Variants in CNTNAP2 observed in about 807,000 individuals in gnomAD.
CNTNAP2 encodes contactin-associated protein-like 2.
In CNTNAP2, 98 loss-of-function variants were observed where a neutral mutation model predicts 155.2. That is an observed-to-expected ratio of 0.63 (90% CI 0.54 to 0.75). The LOEUF (loss-of-function observed/expected upper bound fraction) is 0.75, where lower values mean the gene tolerates loss of function less well. CNTNAP2 is among the 30% of genes least tolerant of loss of function. The pLI, the probability that CNTNAP2 is intolerant of heterozygous loss-of-function variation, is 0.00. For synonymous variants in CNTNAP2, 651 were observed against 631.2 expected (o/e 1.03, Z -0.47); for missense variants, 1,727 against 1,688.1 (o/e 1.02, Z -0.40).
intron 9 of CNTNAP2, among the ~76,000 whole-genome samples, chr7:147,390,529 A>G (rs563761968): frequency 6.6e-6 from 1 of 152,184 alleles, no homozygotes; most frequent in East Asian, 1.9e-4. Context: ...GCTCCATTTC[A>G]AGATAGCAGA....
At chr7:148,093,206 AT>A (rs1182238938) in intron 15 of CNTNAP2, among the ~76,000 whole-genome samples, 6 of 152,002 alleles carry the variant, frequency 3.9e-5, no homozygotes, top group African/African-American at 9.7e-5. Context: ...AAAAAATTAA[AT>A]TTTTTTAAAA....
intron 16 of CNTNAP2, among the ~76,000 whole-genome samples, chr7:148,141,396 A>G (rs1417104852): frequency 6.6e-6 from 1 of 152,248 alleles, no homozygotes; most frequent in Admixed American, 6.5e-5. Context: ...GAAAATATTC[A>G]TTGAGTTACT....
At chr7:147,815,141 G>T (rs997850817) in intron 13 of CNTNAP2, among the ~76,000 whole-genome samples, 5 of 152,104 alleles carry the variant, frequency 3.3e-5, no homozygotes, top group African/African-American at 1.2e-4. Flanking sequence ...AAGTGATAGT[G>T]TAGACACAAT....
chr7:146,135,941 G>A (rs969792808), intron 1 of CNTNAP2, among the ~76,000 whole-genome samples: 1 of 152,118 alleles, frequency 6.6e-6, no homozygotes. Context: ...CTGTCCTCTT[G>A]TTTGATAGTC....
chr7:147,482,113 T>C (rs1363713278), intron 10 of CNTNAP2, among the ~76,000 whole-genome samples: 1 of 152,056 alleles, frequency 6.6e-6, no homozygotes, highest in Non-Finnish European at 1.5e-5. Flanking sequence ...AATTATAAGA[T>C]AAAAACCCCT....
At chr7:147,099,853 T>C (rs571318604) in intron 4 of CNTNAP2, among the ~76,000 whole-genome samples, 2 of 152,286 alleles carry the variant, frequency 1.3e-5, no homozygotes, top group South Asian at 4.1e-4. Context: ...TGGTCAAAAG[T>C]TGTAGAGCTA....
intron 15 of CNTNAP2, among the ~76,000 whole-genome samples, chr7:148,062,146 G>A: frequency 6.6e-6 from 1 of 151,366 alleles, no homozygotes. Context: ...AAGAAGCTAA[G>A]TGGTTTTTTT....
At chr7:147,697,637 T>C (rs1266120002) in intron 13 of CNTNAP2, among the ~76,000 whole-genome samples, 1 of 152,170 alleles carries the variant, frequency 6.6e-6, no homozygotes, top group South Asian at 2.1e-4. Flanking sequence ...CTCTGGGCTA[T>C]GGACTTCACA....
intron 13 of CNTNAP2, among the ~76,000 whole-genome samples, chr7:147,772,977 T>C (rs1037739277): frequency 3.3e-5 from 5 of 152,220 alleles, no homozygotes; most frequent in African/African-American, 9.6e-5. Flanking sequence ...CTAAAATGAC[T>C]TAATTACAAA....
At chr7:148,347,306 G>T (rs566377992) in intron 21 of CNTNAP2, among the ~76,000 whole-genome samples, 6 of 151,936 alleles carry the variant, frequency 3.9e-5, no homozygotes, top group Admixed American at 1.3e-4. Context: ...AGGCAGAATG[G>T]TAATAAACTG....
intron 12 of CNTNAP2, among the ~76,000 whole-genome samples, chr7:147,590,914 A>G (rs1012717572): frequency 3.9e-5 from 6 of 152,142 alleles, no homozygotes; most frequent in Non-Finnish European, 1.5e-5. Context: ...GAGAGCAGCA[A>G]ACCTCTACAC....
intron 10 of CNTNAP2, among the ~76,000 whole-genome samples, chr7:147,476,483 T>G (rs538883041): frequency 6.6e-6 from 1 of 152,240 alleles, no homozygotes; most frequent in Non-Finnish European, 1.5e-5. Flanking sequence ...GGTTATATTC[T>G]CCCAACATCT....
intron 10 of CNTNAP2, among the ~76,000 whole-genome samples, chr7:147,462,990 CATT>C (rs1798051401): frequency 6.6e-6 from 1 of 152,154 alleles, no homozygotes; most frequent in African/African-American, 2.4e-5. Flanking sequence ...TGAATTAACA[CATT>C]ATTAAATGGG....
At chr7:146,372,421 C>T (rs919553715) in intron 1 of CNTNAP2, among the ~76,000 whole-genome samples, 1 of 152,168 alleles carries the variant, frequency 6.6e-6, no homozygotes, top group Admixed American at 6.5e-5. Flanking sequence ...TGAACCATTT[C>T]ATACAAAATT....
chr7:147,276,833 A>T (rs1391509879), intron 8 of CNTNAP2, among the ~76,000 whole-genome samples: 1 of 152,022 alleles, frequency 6.6e-6, no homozygotes, highest in Non-Finnish European at 1.5e-5. Context: ...CAATTGACAA[A>T]AAAAAAACTG....
intron 10 of CNTNAP2, among the ~76,000 whole-genome samples, chr7:147,472,204 C>CTTTTTT (rs542047274): frequency 9.9e-5 from 8 of 81,066 alleles, no homozygotes; most frequent in African/African-American, 3.6e-4. Context: ...TCTTTTTTTC[C>CTTTTTT]TTTTTTTTTT....
chr7:146,182,138 A>G (rs1250776848), intron 1 of CNTNAP2, among the ~76,000 whole-genome samples: 2 of 152,110 alleles, frequency 1.3e-5, no homozygotes, highest in Non-Finnish European at 1.5e-5. Context: ...TTAAATCTAA[A>G]ATATTTAGTA....
intron 9 of CNTNAP2, among the ~76,000 whole-genome samples, chr7:147,306,341 TCAAA>T (rs1795026097): frequency 1.3e-5 from 2 of 152,270 alleles, no homozygotes; most frequent in South Asian, 2.1e-4. Flanking sequence ...TTAGAGGCAT[TCAAA>T]CAAACAAAAA....
intron 14 of CNTNAP2, among the ~76,000 whole-genome samples, chr7:147,952,853 C>A (rs959546826): frequency 6.6e-6 from 1 of 152,086 alleles, no homozygotes; most frequent in African/African-American, 2.4e-5. Flanking sequence ...GCTCCTGGTT[C>A]CCCAAATTGA....
Sources: allele counts gnomAD v4.1 joint callset (sites outside exome capture counted in the v4.1 genomes callset), GRCh38; gene constraint gnomAD v4.1.1; transcripts MANE v1.5; gene names NCBI Gene and HGNC (gene_info 2026-07-23, HGNC 2026-07-21).